Variants in RANBP10 observed in about 807,000 individuals in gnomAD.
RANBP10 encodes the protein RAN binding protein 10, also known as ran-binding protein 10.
In RANBP10, 24 loss-of-function variants were observed where a neutral mutation model predicts 72.8. The observed-to-expected ratio is 0.33, with a 90% CI of 0.24 to 0.46. The LOEUF (loss-of-function observed/expected upper bound fraction) is 0.46. RANBP10 is among the 20% of genes least tolerant of loss of function. The pLI, the probability that RANBP10 is intolerant of heterozygous loss-of-function variation, is 1.00. For missense variants in RANBP10, 679 were observed against 817.5 expected, an observed-to-expected ratio of 0.83 and a Z score of 2.07; for synonymous variants, 310 against 322.3, an observed-to-expected ratio of 0.96 and a Z score of 0.41.
At chr16:67,731,360 T>C in intron 7 of RANBP10, 112 bp downstream of exon 7, 1 of 846,564 alleles carries the variant, frequency 1.2e-6, no homozygotes, top group South Asian at 1.5e-5. Flanking sequence ...AAGCTGGTCA[T>C]GAGGACCAGA....
rs192254927 is a variant in RANBP10 at position 67,737,003 on chromosome 16, C to T, written c.591+1010G>A. ...CTAACCAGAACACACAGAGCCAGGCCAGGCTCCCAGCATCCTGGGTGGAGG... is the reference window on the plus strand; with the variant it reads ...CTAACCAGAACACACAGAGCCAGGCTAGGCTCCCAGCATCCTGGGTGGAGG... On this transcript the variant is annotated intron_variant, in intron 5 of 13. Coordinates refer to ENST00000317506, the MANE Select transcript of RANBP10 (RefSeq NM_020850.3). 7.1e-4 allele frequency among the ~76,000 whole-genome samples: 108 copies of T among 152,274 alleles called. 1 individual carries two copies. The highest frequency in any genetic ancestry group is 4.6e-3 in the South Asian group (22 of 4,826).
intron 3 of RANBP10, among the ~76,000 whole-genome samples, chr16:67,754,997 G>A (rs966007834): frequency 6.6e-6 from 1 of 152,142 alleles, no homozygotes; most frequent in Non-Finnish European, 1.5e-5. Flanking sequence ...GAGGCTGACT[G>A]GAGGCCTGTG....
Position 67,789,792 on chromosome 16 carries a change from CTAAA to C in RANBP10, c.347+15632_347+15635del, listed in dbSNP as rs1159432577. Among the ~76,000 whole-genome samples the C allele has an allele frequency of 2.7e-5, 4 of 150,852 alleles. No individual in the cohort carries two copies. The East Asian group carries it at 5.9e-4, about 22-fold the overall frequency. On this transcript the variant is annotated intron_variant, in intron 2 of 13. Coordinates refer to ENST00000317506, the MANE Select transcript of RANBP10 (RefSeq NM_020850.3). ...AGACAACCATATATCTTAAAAACAA[CTAAA>C]TAAATAAATAAGAAGAAATGGACTG...
In RANBP10 at chr16:67,728,446, C is replaced by T. The variant is rs753021520; in HGVS notation, c.1418G>A (p.Arg473His). The change falls in exon 11 of 14, where the codon CGC (arginine) becomes CAC (histidine). Residue 473 changes from arginine to histidine, a missense_variant. Transcript: ENST00000317506. ...PNGVLGSMST[R>H]IVNGAYKHED... ...ATGCTTGTAGGCACCATTAACAATG[C>T]GTGTGGACATGCTTCCTAGCACACC... 8.7e-6 allele frequency: 14 copies of T among 1,614,066 alleles called. No homozygotes were observed. Among genetic ancestry groups the T allele is most frequent in the Middle Eastern group, 1.6e-4 (1 of 6,084 alleles).
At chr16:67,727,291 C>G in intron 13 of RANBP10, 36 bp downstream of exon 13, 8 of 1,569,574 alleles carry the variant, frequency 5.1e-6, no homozygotes, top group Non-Finnish European at 6.9e-6. Context: ...AGAGCAGACT[C>G]TGTCTCTAAT....
At chr16:67,791,449 T>A (rs150898391) in intron 2 of RANBP10, among the ~76,000 whole-genome samples, 1 of 152,286 alleles carries the variant, frequency 6.6e-6, no homozygotes, top group Admixed American at 6.6e-5. Context: ...ATCAGCAGGA[T>A]GTCCCTACAC....
At chr16:67,782,602 G>C (rs1386835324) in intron 2 of RANBP10, among the ~76,000 whole-genome samples, 1 of 151,928 alleles carries the variant, frequency 6.6e-6, no homozygotes, top group South Asian at 2.1e-4. Flanking sequence ...CAAGGCGTGC[G>C]CTACCACACC....
chr16:67,739,604 T>C (rs907717652), intron 4 of RANBP10, among the ~76,000 whole-genome samples: 22 of 152,020 alleles, frequency 1.4e-4, no homozygotes, highest in Admixed American at 1.2e-3. Flanking sequence ...ATGGGCAACA[T>C]AGCGAGGCTC....
intron 3 of RANBP10, among the ~76,000 whole-genome samples, chr16:67,763,773 CA>C (rs1312626593): frequency 6.6e-6 from 1 of 152,196 alleles, no homozygotes; most frequent in African/African-American, 2.4e-5. Flanking sequence ...TGGCTCACTG[CA>C]ACCTCCGCCT....
intron 5 of RANBP10, among the ~76,000 whole-genome samples, chr16:67,735,364 G>C (rs954746360): frequency 1.3e-5 from 2 of 152,180 alleles, no homozygotes; most frequent in South Asian, 2.1e-4. Flanking sequence ...TGGGCTCCAC[G>C]ACCCTTCAGA....
intron 4 of RANBP10, 40 bp downstream of exon 4, chr16:67,744,248 C>T: frequency 2.5e-6 from 4 of 1,587,350 alleles, no homozygotes; most frequent in African/African-American, 1.3e-5. Context: ...ACCAAAGTGG[C>T]TCCACAGAGC....
intron 3 of RANBP10, among the ~76,000 whole-genome samples, chr16:67,768,064 CAAAA>C (rs555191487): frequency 1.1e-5 from 1 of 89,676 alleles, no homozygotes. Flanking sequence ...GACCTTGTCT[CAAAA>C]AAAAAAAAAA....
intron 2 of RANBP10, among the ~76,000 whole-genome samples, chr16:67,789,166 C>T (rs1369292964): frequency 6.6e-6 from 1 of 151,200 alleles, no homozygotes; most frequent in Non-Finnish European, 1.5e-5. Context: ...AAAATTTAGC[C>T]AGGTGTGGTG....
chr16:67,770,582 T>C (rs139899065), intron 3 of RANBP10, among the ~76,000 whole-genome samples: 2 of 152,258 alleles, frequency 1.3e-5, no homozygotes, highest in Non-Finnish European at 1.5e-5. Flanking sequence ...ACAAGGACTT[T>C]TCCTGACCCC....
At chr16:67,776,771 C>CA (rs1183736504) in intron 2 of RANBP10, among the ~76,000 whole-genome samples, 66 of 73,174 alleles carry the variant, frequency 9.0e-4, no homozygotes, top group Middle Eastern at 0.012. Context: ...GACTTTGTCT[C>CA]AAAAAAAAAA....
intron 3 of RANBP10, among the ~76,000 whole-genome samples, chr16:67,758,009 C>A (rs1195196188): frequency 1.3e-5 from 2 of 152,218 alleles, no homozygotes; most frequent in Non-Finnish European, 2.9e-5. Context: ...AGGCCCTCCA[C>A]TGAGATAGGA....
At chr16:67,728,357 T>A in intron 11 of RANBP10, 33 bp downstream of exon 11, 1 of 1,608,722 alleles carries the variant, frequency 6.2e-7, no homozygotes, top group Non-Finnish European at 8.5e-7. Context: ...CACACTGCCC[T>A]CAAAGAATAG....
chr16:67,740,654 T>A (rs933547237), intron 4 of RANBP10, among the ~76,000 whole-genome samples: 1 of 152,190 alleles, frequency 6.6e-6, no homozygotes, highest in Non-Finnish European at 1.5e-5. Context: ...GAGTGTCTTA[T>A]AAGGCACTAT....
chr16:67,784,110 G>A (rs1305369873), intron 2 of RANBP10, among the ~76,000 whole-genome samples: 1 of 149,598 alleles, frequency 6.7e-6, no homozygotes, highest in Non-Finnish European at 1.5e-5. Context: ...GATGAATATA[G>A]ATGCAAAAAT....
Sources: gnomAD v4.1 joint callset for allele counts (sites outside exome capture counted in the v4.1 genomes callset) on GRCh38, gnomAD v4.1.1 for gene constraint, MANE v1.5 for transcripts, NCBI Gene and HGNC (gene_info 2026-07-23, HGNC 2026-07-21) for gene names.